MYO5B: variants seen among roughly 807,000 people sequenced by gnomAD.
MYO5B encodes the protein unconventional myosin-Vb.
Under a neutral mutation model 229.3 loss-of-function variants are expected in MYO5B, and 143 were observed. That is an observed-to-expected ratio of 0.62 (90% CI 0.54 to 0.72). MYO5B has a LOEUF of 0.72. Ranked by LOEUF, MYO5B falls within the 30% of genes least tolerant of loss-of-function variation. The pLI, the probability that MYO5B is intolerant of heterozygous loss-of-function variation, is 0.00. For synonymous variants in MYO5B, 918 were observed against 885.2 expected, an observed-to-expected ratio of 1.04 and a Z score of -0.66; for missense variants, 2,321 against 2,331.0, an observed-to-expected ratio of 1.00 and a Z score of 0.09.
intron 1 of MYO5B, among the ~76,000 whole-genome samples, chr18:50,144,515 A>G (rs1218868668): frequency 6.6e-6 from 1 of 152,164 alleles, no homozygotes; most frequent in Non-Finnish European, 1.5e-5. Context: ...CCATCCAAAA[A>G]CAGGACTTCA....
intron 12 of MYO5B, among the ~76,000 whole-genome samples, chr18:49,960,238 G>A (rs1431536677): frequency 6.6e-6 from 1 of 152,192 alleles, no homozygotes; most frequent in Admixed American, 6.5e-5. Context: ...TTTATGTCCT[G>A]TCTCATGGGG....
At chr18:50,117,029 G>A (rs895355282) in intron 1 of MYO5B, among the ~76,000 whole-genome samples, 1 of 152,144 alleles carries the variant, frequency 6.6e-6, no homozygotes, top group Non-Finnish European at 1.5e-5. Flanking sequence ...TTGACATTTT[G>A]TTATGAGATA....
intron 7 of MYO5B, among the ~76,000 whole-genome samples, chr18:49,989,462 G>A (rs573358695): frequency 8.5e-5 from 13 of 152,220 alleles, no homozygotes; most frequent in South Asian, 2.1e-4. Flanking sequence ...CCCAAAACAC[G>A]GACAGCAGGA....
At chr18:49,913,161 G>A (rs1015429038) in intron 17 of MYO5B, among the ~76,000 whole-genome samples, 3 of 152,162 alleles carry the variant, frequency 2.0e-5, no homozygotes, top group African/African-American at 7.2e-5. Flanking sequence ...CTATGTAGGT[G>A]AGTGCTGTTT....
At chr18:50,060,869 A>G (rs900631234) in intron 1 of MYO5B, among the ~76,000 whole-genome samples, 3 of 152,198 alleles carry the variant, frequency 2.0e-5, no homozygotes, top group African/African-American at 7.2e-5. Flanking sequence ...AGGGGTGGGA[A>G]CCAGGTAGTG....
chr18:50,070,313 C>G lies in MYO5B; in HGVS notation c.28-14935G>C, dbSNP rs967041567. On this transcript the variant is annotated intron_variant, in intron 1 of 39. Transcript: ENST00000285039. The stretch of plus-strand genomic sequence containing the variant: ...TGCTGGGACTACAAGCGTGAGCTAT[C>G]GCGCCCAGCTGCAATTTACTCTTAA... 4.6e-5 allele frequency among the ~76,000 whole-genome samples: 7 copies of G among 152,168 alleles called. No individual in the cohort carries two copies. In the South Asian group the frequency reaches 1.2e-3, roughly 27 times the overall value.
rs1275324313 is a variant in MYO5B at position 49,892,364 on chromosome 18, G to C, written c.3045+2577C>G. ...TGAATTCCTGCCCTCGGGGAGACTT[G>C]GCCTCCCACAGGCCAAGGCAGGGCA... On this transcript the variant is annotated intron_variant, in intron 22 of 39. Transcript: ENST00000285039. 2.6e-5 allele frequency among the ~76,000 whole-genome samples: 4 copies of C among 152,270 alleles called. No individual in the cohort carries two copies. In the East Asian group the frequency reaches 7.7e-4, roughly 29 times the overall value.
chr18:49,967,170 A>C (rs974092066), intron 10 of MYO5B, among the ~76,000 whole-genome samples: 5 of 152,250 alleles, frequency 3.3e-5, no homozygotes, highest in African/African-American at 7.2e-5. Context: ...CGATGGCACA[A>C]TGATCACACT....
At chr18:49,896,787 G>A (rs1189649719) in intron 21 of MYO5B, among the ~76,000 whole-genome samples, 1 of 152,180 alleles carries the variant, frequency 6.6e-6, no homozygotes, top group Non-Finnish European at 1.5e-5. Context: ...CTGAGACCTG[G>A]CTCAGGGATG....
intron 4 of MYO5B, among the ~76,000 whole-genome samples, chr18:50,032,118 T>A (rs534431633): frequency 2.0e-5 from 3 of 152,210 alleles, no homozygotes; most frequent in Non-Finnish European, 4.4e-5. Context: ...AGAACACCCC[T>A]GCAGATCCAT....
At position 50,010,038 on chromosome 18, in the gene MYO5B, A is replaced by G. The variant is rs545917745; in HGVS notation, c.456-8627T>C. Among the ~76,000 whole-genome samples the G allele has an allele frequency of 1.3e-4, 20 of 152,332 alleles. No individual in the cohort carries two copies. In the South Asian group the frequency reaches 2.7e-3, roughly 21 times the overall value. On this transcript the variant is annotated intron_variant, in intron 4 of 39. Transcript: ENST00000285039. ...GGGCACCACTCAGCCACAGCCCAGA[A>G]CTGAAACCAAGCCATTCAGGAAGGC...
chr18:49,915,490 G>A (rs536244675), intron 17 of MYO5B, among the ~76,000 whole-genome samples: 17 of 152,348 alleles, frequency 1.1e-4, no homozygotes, highest in Admixed American at 1.3e-4. Context: ...GGCGCAGGGC[G>A]CTTAGAGCAC....
chr18:50,167,717 C>G (rs2032872698), intron 1 of MYO5B, among the ~76,000 whole-genome samples: 1 of 152,120 alleles, frequency 6.6e-6, no homozygotes, highest in South Asian at 2.1e-4. Flanking sequence ...CCATAGCTTC[C>G]CCAGCTGAGA....
chr18:50,106,127 G>A (rs1441422418), intron 1 of MYO5B, among the ~76,000 whole-genome samples: 1 of 151,970 alleles, frequency 6.6e-6, no homozygotes, highest in Non-Finnish European at 1.5e-5. Context: ...ATGCACCCTG[G>A]ACATTGTCTT....
chr18:49,954,016 GTATT>G (rs1253452101), intron 13 of MYO5B, among the ~76,000 whole-genome samples: 8 of 100,774 alleles, frequency 7.9e-5, no homozygotes, highest in Non-Finnish European at 1.5e-4. Context: ...ATGTGTGTAT[GTATT>G]TATATGTGTG....
chr18:49,827,747 C>A (rs1281728990), intron 39 of MYO5B, among the ~76,000 whole-genome samples: 1 of 151,724 alleles, frequency 6.6e-6, no homozygotes, highest in African/African-American at 2.4e-5. Flanking sequence ...AAGAAGGGGG[C>A]AACAAAATAT....
chr18:49,971,802 T>A (rs2025694997), intron 10 of MYO5B, among the ~76,000 whole-genome samples: 1 of 152,162 alleles, frequency 6.6e-6, no homozygotes. Context: ...TCAGAGAGAG[T>A]GTGAACTCAG....
intron 14 of MYO5B, among the ~76,000 whole-genome samples, chr18:49,941,482 C>T (rs1263030873): frequency 6.6e-6 from 1 of 152,134 alleles, no homozygotes; most frequent in African/African-American, 2.4e-5. Flanking sequence ...TATGCAGAGT[C>T]TAAATAGCTC....
At chr18:49,917,641 C>T (rs2025031794) in intron 17 of MYO5B, among the ~76,000 whole-genome samples, 1 of 152,304 alleles carries the variant, frequency 6.6e-6, no homozygotes, top group South Asian at 2.1e-4. Flanking sequence ...ACCTAATCAC[C>T]CAATCCTGGC....
Sources: gnomAD v4.1 joint callset for allele counts (sites outside exome capture counted in the v4.1 genomes callset) on GRCh38, gnomAD v4.1.1 for gene constraint, MANE v1.5 for transcripts, NCBI Gene and HGNC (gene_info 2026-07-23, HGNC 2026-07-21) for gene names.